Variants in PSTPIP2 observed in about 807,000 individuals in gnomAD.
PSTPIP2 encodes the protein proline-serine-threonine phosphatase-interacting protein 2.
PSTPIP2 carries 33 observed loss-of-function variants against 63.3 expected under a neutral mutation model. The ratio of observed to expected loss-of-function variants is 0.52; its 90% CI spans 0.40 to 0.70. The LOEUF (loss-of-function observed/expected upper bound fraction) is 0.70, where lower values mean the gene tolerates loss of function less well. Ranked by LOEUF, PSTPIP2 falls within the 30% of genes least tolerant of loss-of-function variation. The probability of loss-of-function intolerance (pLI) is 0.00; values close to 1 mark genes in which losing one functional copy is unlikely to be tolerated. For missense variants in PSTPIP2, 312 were observed against 400.7 expected (o/e 0.78, Z 1.89); for synonymous variants, 125 against 132.7 (o/e 0.94, Z 0.40).
chr18:46,022,448 T>C (rs918541538), intron 3 of PSTPIP2, among the ~76,000 whole-genome samples: 3 of 152,138 alleles, frequency 2.0e-5, no homozygotes, highest in Admixed American at 2.0e-4. Context: ...GAAAGTATGT[T>C]ATGTGGTTAG....
intron 1 of PSTPIP2, among the ~76,000 whole-genome samples, chr18:46,049,232 T>C (rs1292635349): frequency 6.6e-6 from 1 of 152,072 alleles, no homozygotes; most frequent in East Asian, 1.9e-4. Context: ...ATACCACACG[T>C]TCTCATTTAC....
chr18:45,990,705 C>G lies in PSTPIP2; in HGVS notation c.955+17G>C, dbSNP rs767088999. On this transcript the variant is annotated intron_variant, in intron 13 of 14. Coordinates refer to ENST00000409746, the MANE Select transcript of PSTPIP2 (RefSeq NM_024430.4). The stretch of plus-strand genomic sequence containing the variant: ...TTGCAATATAAGAATTTCAAAAGAC[C>G]TTTTTTAGTGGCATACCTGGTGAGC... 5 of 1,597,902 alleles carry G rather than the reference C, an allele frequency of 3.1e-6. No individual in the cohort carries two copies. In the Admixed American group the frequency reaches 5.0e-5, roughly 16 times the overall value.
At chr18:45,996,254 C>T (rs976098712) in intron 9 of PSTPIP2, among the ~76,000 whole-genome samples, 3 of 152,142 alleles carry the variant, frequency 2.0e-5, no homozygotes, top group Non-Finnish European at 2.9e-5. Flanking sequence ...AAGGAACAGC[C>T]CCTTTTCTGT....
At chr18:46,049,696 A>G (rs896776124) in intron 1 of PSTPIP2, among the ~76,000 whole-genome samples, 3 of 152,204 alleles carry the variant, frequency 2.0e-5, no homozygotes, top group African/African-American at 7.2e-5. Flanking sequence ...CCTGGCCAAC[A>G]TGGCGAAACC....
chr18:45,993,608 A>G lies in PSTPIP2; in HGVS notation c.738T>C (p.Asp246=). 6.2e-7 allele frequency: 1 copy of G among 1,613,082 alleles called. No homozygotes were observed. Among genetic ancestry groups the G allele is most frequent in the South Asian group, 1.1e-5 (1 of 91,056 alleles). ...TCAGTGGATGCCTCTGACTTACTTC[A>G]TCACTGGTGACACATTGTTGTGACA... is the stretch of plus-strand genomic sequence containing the variant. ...NQLSQQCVTS[D]EMYEQVRKSL... Residue 246 remains aspartate (D), a synonymous_variant, in exon 10 of 15, where the codon GAT becomes GAC. Transcript: ENST00000409746.
At chr18:46,002,133 T>C (rs1038367083) in intron 6 of PSTPIP2, among the ~76,000 whole-genome samples, 2 of 152,212 alleles carry the variant, frequency 1.3e-5, no homozygotes, top group Non-Finnish European at 2.9e-5. Context: ...TTTTCCCTTT[T>C]AGTGAAGGTG....
chr18:46,022,724 C>T (rs1257073935), intron 3 of PSTPIP2, among the ~76,000 whole-genome samples: 1 of 152,062 alleles, frequency 6.6e-6, no homozygotes, highest in Non-Finnish European at 1.5e-5. Context: ...GAGTGTATTG[C>T]TAAAGTAGGC....
chr18:46,072,141 G>A lies in PSTPIP2; in HGVS notation c.33+15C>T. ...GTCCTGAGCCCCGCGATCCGCTGTC[G>A]GCCCCACGACTTACCCAAAAGTTTC... On this transcript the variant is annotated intron_variant, in intron 1 of 14. Transcript: ENST00000409746. The A allele has an allele frequency of 6.5e-7, 1 of 1,530,682 alleles. No individual in the cohort carries two copies. Among genetic ancestry groups the A allele is most frequent in the South Asian group, 1.2e-5 (1 of 81,630 alleles). 94.8% of individuals were successfully genotyped at this position (1,530,682 alleles called of 1,614,324 possible). A position where few individuals can be genotyped will look rare whatever the true frequency, so the allele number is the denominator to read the frequency against.
intron 1 of PSTPIP2, among the ~76,000 whole-genome samples, chr18:46,061,098 G>A (rs1288134242): frequency 6.6e-6 from 1 of 152,134 alleles, no homozygotes; most frequent in Non-Finnish European, 1.5e-5. Context: ...GAGGTCAGGA[G>A]TTCAAGAGCA....
At chr18:46,007,920 C>T (rs977216754) in intron 5 of PSTPIP2, among the ~76,000 whole-genome samples, 1 of 152,186 alleles carries the variant, frequency 6.6e-6, no homozygotes, top group Non-Finnish European at 1.5e-5. Context: ...CAAGGTCACT[C>T]GTGAGTTAGT....
chr18:46,066,489 A>G (rs1909193932), intron 1 of PSTPIP2, among the ~76,000 whole-genome samples: 1 of 152,176 alleles, frequency 6.6e-6, no homozygotes, highest in Non-Finnish European at 1.5e-5. Context: ...GACTTCACAT[A>G]GACATTTGCT....
At chr18:46,004,871 A>G (rs911915069) in intron 6 of PSTPIP2, among the ~76,000 whole-genome samples, 1 of 152,256 alleles carries the variant, frequency 6.6e-6, no homozygotes, top group African/African-American at 2.4e-5. Context: ...ATACACCCAG[A>G]GGAATATAAA....
intron 1 of PSTPIP2, among the ~76,000 whole-genome samples, chr18:46,068,458 C>T (rs796898853): frequency 5.9e-5 from 9 of 152,120 alleles, no homozygotes; most frequent in African/African-American, 1.9e-4. Flanking sequence ...CCACCATGCC[C>T]GGGTAATTTT....
chr18:46,008,081 C>T (rs543699359), intron 5 of PSTPIP2, among the ~76,000 whole-genome samples: 14 of 152,274 alleles, frequency 9.2e-5, no homozygotes, highest in African/African-American at 2.4e-4. Context: ...TCTTCTGAGA[C>T]TCAGACTTTC....
chr18:45,988,768 G>T lies in PSTPIP2; in HGVS notation c.956-9C>A. ...AGAGTAATTGGGATCATCTGCAAAA[G>T]GCAGAACACAGAAAACAACAGTAAC... On this transcript the variant is annotated splice_polypyrimidine_tract_variant and intron_variant, in intron 13 of 14. Transcript: ENST00000409746. 1 of 1,554,518 alleles carries T rather than the reference G, an allele frequency of 6.4e-7. No homozygotes were observed. The highest frequency in any genetic ancestry group is 8.9e-7 in the Non-Finnish European group (1 of 1,126,306).
chr18:46,025,393 A>T (rs1451569786), intron 2 of PSTPIP2, among the ~76,000 whole-genome samples: 7 of 151,750 alleles, frequency 4.6e-5, no homozygotes, highest in Non-Finnish European at 1.0e-4. Context: ...GCACCTTCCC[A>T]CTCTCTTCCA....
chr18:46,054,713 T>G (rs1240194932), intron 1 of PSTPIP2, among the ~76,000 whole-genome samples: 1 of 150,362 alleles, frequency 6.7e-6, no homozygotes, highest in Non-Finnish European at 1.5e-5. Flanking sequence ...CAGGTTGGAG[T>G]GCAGTGGCGC....
intron 9 of PSTPIP2, among the ~76,000 whole-genome samples, chr18:45,995,112 G>C (rs944380501): frequency 2.0e-5 from 3 of 151,872 alleles, no homozygotes; most frequent in Admixed American, 6.6e-5. Flanking sequence ...GGTTTTGGGG[G>C]GTTTTATTTT....
At chr18:45,998,952 G>A in intron 7 of PSTPIP2, 113 bp from the exon 8 acceptor site, 1 of 1,097,972 alleles carries the variant, frequency 9.1e-7, no homozygotes, top group East Asian at 2.4e-5. Context: ...CAGGTCTAGT[G>A]CAAGTCCTGT....
Sources: allele counts gnomAD v4.1 joint callset (sites outside exome capture counted in the v4.1 genomes callset), GRCh38; gene constraint gnomAD v4.1.1; transcripts MANE v1.5; gene names NCBI Gene and HGNC (gene_info 2026-07-23, HGNC 2026-07-21).